MAP3K5: variants seen among roughly 807,000 people sequenced by gnomAD.
The protein encoded by MAP3K5 is mitogen-activated protein kinase kinase kinase 5, also known as ASK-1.
A neutral mutation model predicts 158.7 loss-of-function variants in MAP3K5; 56 were observed. That is an observed-to-expected ratio of 0.35 (90% CI 0.28 to 0.44). MAP3K5 has a LOEUF of 0.44. MAP3K5 is among the 20% of genes least tolerant of loss of function. The pLI is 1.00. For missense variants in MAP3K5, 1,294 were observed against 1,674.8 expected, an observed-to-expected ratio of 0.77 and a Z score of 3.97; for synonymous variants, 579 against 601.7, an observed-to-expected ratio of 0.96 and a Z score of 0.55.
intron 23 of MAP3K5, among the ~76,000 whole-genome samples, chr6:136,591,780 GA>G (rs2129080740): frequency 6.6e-6 from 1 of 152,292 alleles, no homozygotes; most frequent in East Asian, 1.9e-4. Flanking sequence ...CCCAAATGCT[GA>G]GAGGAGCGAC....
chr6:136,582,253 TGTGTGTATAC>T (rs1469548865), intron 24 of MAP3K5, among the ~76,000 whole-genome samples: 75 of 142,800 alleles, frequency 5.3e-4, no homozygotes, highest in African/African-American at 1.8e-3. Flanking sequence ...TGTGTACACG[TGTGTGTATAC>T]GTGTGTGTGT....
At chr6:136,766,369 A>G (rs1783969167) in intron 1 of MAP3K5, among the ~76,000 whole-genome samples, 1 of 152,240 alleles carries the variant, frequency 6.6e-6, no homozygotes, top group South Asian at 2.1e-4. Context: ...GGCACCACTG[A>G]TCCCACAGCC....
chr6:136,670,822 T>A lies in MAP3K5; in HGVS notation c.1254-1427A>T, dbSNP rs569138468. Reference sequence around the variant, plus strand: ...AATCTTAACTAGTTGGCTCTGATAGTTATGTACCTATGGAATATGAAAAAA... The same window carrying A: ...AATCTTAACTAGTTGGCTCTGATAGATATGTACCTATGGAATATGAAAAAA... On this transcript the variant is annotated intron_variant, in intron 7 of 29. Transcript: ENST00000359015. 5.9e-5 allele frequency among the ~76,000 whole-genome samples: 9 copies of A among 152,314 alleles called. 1 individual carries two copies. The highest frequency in any genetic ancestry group is 2.2e-4 in the African/African-American group (9 of 41,574).
At chr6:136,791,303 G>GAA (rs1239490315) in intron 1 of MAP3K5, among the ~76,000 whole-genome samples, 3 of 152,130 alleles carry the variant, frequency 2.0e-5, no homozygotes, top group African/African-American at 4.8e-5. Context: ...ACTACACAGA[G>GAA]AAAAGGAGAA....
chr6:136,618,486 ATAAACT>A (rs1187589873), intron 15 of MAP3K5, among the ~76,000 whole-genome samples: 1 of 152,232 alleles, frequency 6.6e-6, no homozygotes, highest in African/African-American at 2.4e-5. Flanking sequence ...TAGCATTTGA[ATAAACT>A]TAAACTACAG....
chr6:136,606,797 T>A (rs1160535071), intron 18 of MAP3K5, among the ~76,000 whole-genome samples: 2 of 152,246 alleles, frequency 1.3e-5, no homozygotes, highest in Admixed American at 1.3e-4. Flanking sequence ...TGACACCTTT[T>A]AGGAATGCCT....
Position 136,697,221 on chromosome 6 carries a change from G to T in MAP3K5, c.973C>A (p.Gln325Lys). Residue 325 changes from glutamine to lysine, a missense_variant and splice_region_variant, in exon 5 of 30, where the codon CAG (glutamine) becomes AAG (lysine). Transcript: ENST00000359015. The part of the protein sequence containing the change: ...INLLLSYRDI[Q>K]DYDSIVKLVE... Reference sequence around the variant, plus strand: ...TTTCACTTTAAACATCTTCTCACCTGGATATCTCTGTAGGAAAGTAACAGA... The same window carrying T: ...TTTCACTTTAAACATCTTCTCACCTTGATATCTCTGTAGGAAAGTAACAGA... 6.2e-7 allele frequency: 1 copy of T among 1,610,514 alleles called. No homozygotes were observed. The highest frequency in any genetic ancestry group is 8.5e-7 in the Non-Finnish European group (1 of 1,177,818).
chr6:136,684,158 G>A (rs1780047843), intron 7 of MAP3K5, among the ~76,000 whole-genome samples: 1 of 151,972 alleles, frequency 6.6e-6, no homozygotes, highest in African/African-American at 2.4e-5. Flanking sequence ...TTGAGCCCAG[G>A]AGTTCAGGGC....
At chr6:136,696,431 T>G (rs1187124230) in intron 5 of MAP3K5, among the ~76,000 whole-genome samples, 1 of 152,182 alleles carries the variant, frequency 6.6e-6, no homozygotes, top group Non-Finnish European at 1.5e-5. Flanking sequence ...GTCAAGGACA[T>G]GAGGCAATGG....
At chr6:136,668,548 GAC>G (rs1277662534) in intron 8 of MAP3K5, among the ~76,000 whole-genome samples, 1 of 152,100 alleles carries the variant, frequency 6.6e-6, no homozygotes, top group African/African-American at 2.4e-5. Context: ...GAGGTCGTTA[GAC>G]ACCCAACGGA....
At chr6:136,769,775 GGA>G (rs1784109088) in intron 1 of MAP3K5, among the ~76,000 whole-genome samples, 10 of 45,294 alleles carry the variant, frequency 2.2e-4, no homozygotes, top group African/African-American at 1.0e-3. Flanking sequence ...AAGGAAGGAA[GGA>G]AGGAAGGAAG....
At chr6:136,681,287 A>C (rs1779921886) in intron 7 of MAP3K5, among the ~76,000 whole-genome samples, 1 of 152,148 alleles carries the variant, frequency 6.6e-6, no homozygotes, top group Non-Finnish European at 1.5e-5. Flanking sequence ...TTCTCTCCTT[A>C]GGTGCTCCAT....
At chr6:136,770,217 A>G (rs1387580218) in intron 1 of MAP3K5, among the ~76,000 whole-genome samples, 2 of 152,194 alleles carry the variant, frequency 1.3e-5, no homozygotes, top group Non-Finnish European at 2.9e-5. Flanking sequence ...ACTGAGGCAT[A>G]TGGTAAAAGG....
intron 1 of MAP3K5, among the ~76,000 whole-genome samples, chr6:136,725,935 C>T (rs1583484610): frequency 6.6e-6 from 1 of 152,128 alleles, no homozygotes. Flanking sequence ...CATTGAATTG[C>T]CTCTGCATTT....
At chr6:136,678,834 T>C (rs113711492) in intron 7 of MAP3K5, among the ~76,000 whole-genome samples, 1,698 of 152,230 alleles carry the variant, frequency 0.011, 44 homozygotes, top group African/African-American at 0.038. Flanking sequence ...CAAGCAATTC[T>C]CCTGCCTCAG....
intron 1 of MAP3K5, among the ~76,000 whole-genome samples, chr6:136,789,019 T>TG (rs1554322903): frequency 6.6e-6 from 1 of 152,224 alleles, no homozygotes; most frequent in Admixed American, 6.5e-5. Context: ...GATGGGAGGC[T>TG]GGGTGCGGTG....
chr6:136,642,086 AAAATAAAATT>A lies in MAP3K5; in HGVS notation c.1838+424_1838+433del, dbSNP rs1455116237. 0.011 allele frequency among the ~76,000 whole-genome samples: 1,656 copies of A among 146,602 alleles called. 100 individuals carry two copies. In the East Asian group the frequency reaches 0.12, roughly 11 times the overall value. On this transcript the variant is annotated intron_variant, in intron 12 of 29. Transcript: ENST00000359015. ...AAAATAAAATAAAATAAAATAAAAT[AAAATAAAATT>A]AGTGGCAGGACACAGTGTAGTAGAC...
chr6:136,611,511 G>C lies in MAP3K5; in HGVS notation c.2416-124C>G, dbSNP rs937775924. On this transcript the variant is annotated intron_variant, in intron 17 of 29. Coordinates refer to ENST00000359015, the MANE Select transcript of MAP3K5 (RefSeq NM_005923.4). The stretch of plus-strand genomic sequence containing the variant: ...TACAGCTACCAACGACATTAATTCT[G>C]TATTCTTCATTAATAGTTTATCTCA... The C allele has an allele frequency of 9.0e-6, 5 of 553,384 alleles. No individual in the cohort carries two copies. The Admixed American group carries it at 1.4e-4, about 15-fold the overall frequency. 34.3% of individuals were successfully genotyped at this position (553,384 alleles called of 1,614,324 possible).
Position 136,613,079 on chromosome 6 carries a change from C to A in MAP3K5, c.2415+41G>T, listed in dbSNP as rs767510260. On this transcript the variant is annotated intron_variant, in intron 17 of 29. Transcript: ENST00000359015. This position sits in a 1 kb window ranked among gnomAD's most constrained non-coding sequence, Gnocchi z 4.0. ...TTTTGCAAGTAAAATAATAACCCAGCAAAGAAAGAACTCATGAAAATGAAT... is the reference window on the plus strand; with the variant it reads ...TTTTGCAAGTAAAATAATAACCCAGAAAAGAAAGAACTCATGAAAATGAAT... The A allele has an allele frequency of 2.3e-5, 36 of 1,547,596 alleles. No individual in the cohort carries two copies. Among genetic ancestry groups the A allele is most frequent in the Non-Finnish European group, 3.0e-5 (35 of 1,149,162 alleles).
Sources: gnomAD v4.1 joint callset for allele counts (sites outside exome capture counted in the v4.1 genomes callset) on GRCh38, gnomAD v4.1.1 for gene constraint, Gnocchi (gnomAD v3.1) non-coding constraint, MANE v1.5 for transcripts, NCBI Gene and HGNC (gene_info 2026-07-23, HGNC 2026-07-21) for gene names.